ABR: variants seen among roughly 807,000 people sequenced by gnomAD.
ABR encodes active breakpoint cluster region-related protein.
Under a neutral mutation model 107.2 loss-of-function variants are expected in ABR, and 35 were observed. That is an observed-to-expected ratio of 0.33 (90% CI 0.25 to 0.43). ABR has a LOEUF of 0.43. ABR is among the 20% of genes least tolerant of loss of function. The pLI is 1.00. For synonymous variants in ABR, 498 were observed against 462.0 expected, an observed-to-expected ratio of 1.08 and a Z score of -1.00; for missense variants, 815 against 1,115.2, an observed-to-expected ratio of 0.73 and a Z score of 3.83.
At chr17:1,199,495 T>TG (rs71372586) in intron 1 of ABR, among the ~76,000 whole-genome samples, 87,846 of 150,576 alleles carry the variant, frequency 0.58, 27,212 homozygotes, top group Middle Eastern at 0.67. Flanking sequence ...GGGATATTTT[T>TG]GGGGGTGGAA....
intron 1 of ABR, among the ~76,000 whole-genome samples, chr17:1,166,994 C>A (rs1345042834): frequency 6.6e-6 from 1 of 152,120 alleles, no homozygotes; most frequent in Admixed American, 6.5e-5. Flanking sequence ...CAGAGCCAGA[C>A]TCTGTCTCAA....
intron 2 of ABR, among the ~76,000 whole-genome samples, chr17:1,113,874 A>C (rs1458380944): frequency 6.6e-6 from 1 of 152,202 alleles, no homozygotes; most frequent in African/African-American, 2.4e-5. Context: ...CCACGAATAA[A>C]CTATACATAT....
upstream of ABR, among the ~76,000 whole-genome samples, chr17:1,181,128 C>T (rs75021057): frequency 0.034 from 5,149 of 152,306 alleles, 141 homozygotes; most frequent in East Asian, 0.15. Flanking sequence ...GTCAGCCTGG[C>T]CTTTGCCGGG....
At chr17:1,218,513 A>G (rs1301392090) in intron 1 of ABR, among the ~76,000 whole-genome samples, 2 of 152,196 alleles carry the variant, frequency 1.3e-5, no homozygotes, top group African/African-American at 2.4e-5. Flanking sequence ...GCTGTGTTCC[A>G]ATCCTGGCTC....
intron 1 of ABR, among the ~76,000 whole-genome samples, chr17:1,132,607 G>A (rs565998316): frequency 1.3e-5 from 2 of 151,862 alleles, no homozygotes; most frequent in Admixed American, 6.6e-5. Flanking sequence ...TCCAACTCCT[G>A]ACCTTGTGAT....
At chr17:1,160,516 G>A (rs376568699) in intron 1 of ABR, among the ~76,000 whole-genome samples, 21 of 152,302 alleles carry the variant, frequency 1.4e-4, no homozygotes, top group African/African-American at 4.6e-4. Flanking sequence ...CCCAGTGAAT[G>A]TCCGTTCATT....
intron 16 of ABR, among the ~76,000 whole-genome samples, chr17:1,038,580 A>G (rs1230964839): frequency 6.6e-6 from 1 of 152,150 alleles, no homozygotes; most frequent in East Asian, 1.9e-4. Flanking sequence ...CGGTGTGCCC[A>G]TCCCTCCCTG....
upstream of ABR, among the ~76,000 whole-genome samples, chr17:1,180,232 G>C (rs919178790): frequency 6.6e-6 from 1 of 152,190 alleles, no homozygotes; most frequent in Admixed American, 6.5e-5. Context: ...CCCCGCGCCG[G>C]GCTCAGCAGG....
chr17:1,056,550 G>A (rs1344811322), intron 13 of ABR, among the ~76,000 whole-genome samples: 3 of 151,960 alleles, frequency 2.0e-5, no homozygotes, highest in Non-Finnish European at 2.9e-5. Context: ...CACCCACTCC[G>A]GTCAGTTCCC....
intron 2 of ABR, among the ~76,000 whole-genome samples, chr17:1,108,621 G>A (rs923350917): frequency 2.0e-5 from 3 of 152,256 alleles, no homozygotes; most frequent in Non-Finnish European, 4.4e-5. Flanking sequence ...CCGTGGAAAC[G>A]GGGGATTCCT....
chr17:1,168,528 C>T (rs2041597471), intron 1 of ABR, among the ~76,000 whole-genome samples: 1 of 152,152 alleles, frequency 6.6e-6, no homozygotes, highest in Non-Finnish European at 1.5e-5. Context: ...TGCTGGGAAA[C>T]TGGAATGGAT....
chr17:1,108,644 C>G (rs2151383042), intron 2 of ABR, among the ~76,000 whole-genome samples: 1 of 152,388 alleles, frequency 6.6e-6, no homozygotes, highest in South Asian at 2.1e-4. Context: ...CCACCCGCTC[C>G]AGGGAGGCGG....
At chr17:1,218,584 T>C (rs923003874) in intron 1 of ABR, among the ~76,000 whole-genome samples, 2 of 152,154 alleles carry the variant, frequency 1.3e-5, no homozygotes, top group African/African-American at 4.8e-5. Context: ...CTTGTTAATA[T>C]AGAATGAGAA....
intron 1 of ABR, among the ~76,000 whole-genome samples, chr17:1,163,483 C>T (rs1482159565): frequency 3.3e-5 from 5 of 151,590 alleles, no homozygotes; most frequent in Non-Finnish European, 2.9e-5. Context: ...TGAATCCAGA[C>T]GCAGGGGCCC....
intron 1 of ABR, among the ~76,000 whole-genome samples, chr17:1,162,689 G>A (rs1598020420): frequency 1.3e-5 from 2 of 150,956 alleles, no homozygotes; most frequent in African/African-American, 4.9e-5. Flanking sequence ...CACTTTGAAA[G>A]GCTAGGCCAA....
intron 16 of ABR, among the ~76,000 whole-genome samples, chr17:1,040,663 G>A (rs1166250196): frequency 6.6e-6 from 1 of 150,716 alleles, no homozygotes; most frequent in African/African-American, 2.4e-5. Flanking sequence ...GGAAGGGGGT[G>A]GGGGACAGGG....
At chr17:1,066,159 G>A (rs998452298) in intron 10 of ABR, among the ~76,000 whole-genome samples, 1 of 152,192 alleles carries the variant, frequency 6.6e-6, no homozygotes, top group Non-Finnish European at 1.5e-5. Flanking sequence ...GATTAAAGGT[G>A]TGAGCCACTG....
At chr17:1,074,190 A>G (rs2035504328) in intron 6 of ABR, among the ~76,000 whole-genome samples, 1 of 147,626 alleles carries the variant, frequency 6.8e-6, no homozygotes, top group African/African-American at 2.5e-5. Context: ...CGCAGAGTCT[A>G]GCACACCTGC....
chr17:1,213,258 A>G (rs773547118), intron 1 of ABR, among the ~76,000 whole-genome samples: 4 of 152,326 alleles, frequency 2.6e-5, no homozygotes, highest in Admixed American at 1.3e-4. Flanking sequence ...GCCGGCCATT[A>G]ATTCACCTAA....
Sources: allele counts gnomAD v4.1 joint callset (sites outside exome capture counted in the v4.1 genomes callset), GRCh38; gene constraint gnomAD v4.1.1; transcripts MANE v1.5; gene names NCBI Gene and HGNC (gene_info 2026-07-23, HGNC 2026-07-21).